GLI4: variants seen among roughly 807,000 people sequenced by gnomAD.
The protein encoded by GLI4 is GLI family zinc finger 4.
Under a neutral mutation model 30.9 loss-of-function variants are expected in GLI4, and 34 were observed. The ratio of observed to expected loss-of-function variants is 1.10; its 90% CI spans 0.84 to 1.47. GLI4 has a LOEUF of 1.47. GLI4 is among the 40% of genes most tolerant of loss of function. The probability of loss-of-function intolerance (pLI) is 0.00; values close to 1 mark genes in which losing one functional copy is unlikely to be tolerated. For missense variants in GLI4, 696 were observed against 538.9 expected (o/e 1.29, Z -2.89); for synonymous variants, 277 against 236.7 (o/e 1.17, Z -1.56).
intron 2 of GLI4, among the ~76,000 whole-genome samples, chr8:143,271,160 G>T (rs1224307875): frequency 1.3e-5 from 2 of 152,230 alleles, no homozygotes; most frequent in Admixed American, 1.3e-4. Flanking sequence ...AGCTTCTGCC[G>T]TCTCCTTGCT....
chr8:143,267,527 A>C, intron 1 of GLI4, 43 bp downstream of exon 1: 21 of 986,054 alleles, frequency 2.1e-5, no homozygotes, highest in Non-Finnish European at 2.5e-5. Flanking sequence ...GGTGCCTGGG[A>C]CCAGCCCAGT....
intron 3 of GLI4, chr8:143,275,314 C>T (rs1815359750): frequency 1.4e-6 from 2 of 1,445,278 alleles, no homozygotes; most frequent in Non-Finnish European, 1.8e-6. Context: ...CAGTGCTGAG[C>T]CCTCGCCCAC....
intron 1 of GLI4, chr8:143,267,956 C>A: frequency 1.0e-6 from 1 of 985,452 alleles, no homozygotes. Flanking sequence ...CAGGAGTGCC[C>A]TTCCCCCTTC....
intron 2 of GLI4, among the ~76,000 whole-genome samples, chr8:143,269,925 C>T (rs1452075699): frequency 3.3e-5 from 5 of 152,210 alleles, no homozygotes; most frequent in African/African-American, 7.2e-5. Flanking sequence ...TGTGATCCCC[C>T]GGGACTCGCA....
intron 2 of GLI4, among the ~76,000 whole-genome samples, chr8:143,269,873 C>G (rs13257575): frequency 6.6e-6 from 1 of 152,234 alleles, no homozygotes; most frequent in Non-Finnish European, 1.5e-5. Flanking sequence ...TGTTGTCATT[C>G]AGGAAGTGGA....
intron 2 of GLI4, among the ~76,000 whole-genome samples, chr8:143,271,809 C>T (rs1465537878): frequency 6.6e-6 from 1 of 152,148 alleles, no homozygotes; most frequent in Non-Finnish European, 1.5e-5. Context: ...GCGGTGGTCC[C>T]TGCAGCCATG....
chr8:143,272,059 G>A (rs894074474), intron 2 of GLI4, among the ~76,000 whole-genome samples: 4 of 152,180 alleles, frequency 2.6e-5, no homozygotes, highest in Non-Finnish European at 5.9e-5. Context: ...TGCCTGGGCC[G>A]GTTCTGGAAG....
At chr8:143,270,599 G>A (rs1365964645) in intron 2 of GLI4, among the ~76,000 whole-genome samples, 5 of 152,200 alleles carry the variant, frequency 3.3e-5, no homozygotes, top group African/African-American at 1.2e-4. Flanking sequence ...TCCAGCCCAT[G>A]CCCCTGAGGG....
intron 2 of GLI4, among the ~76,000 whole-genome samples, chr8:143,272,657 A>G (rs1286925610): frequency 6.6e-6 from 1 of 152,210 alleles, no homozygotes; most frequent in Non-Finnish European, 1.5e-5. Flanking sequence ...GCCTGGGCAC[A>G]GCCAGCAGGT....
chr8:143,276,476 A>G lies in GLI4; in HGVS notation c.803A>G (p.Lys268Arg), dbSNP rs1223606505. ...ATCCACAACGGCGAGAAGCCCTACA[A>G]GTGCGGCGAGTGCGGCCAGGCCTTC... The part of the protein sequence containing the change: ...LRIHNGEKPY[K>R]CGECGQAFSQ... Residue 268 changes from lysine (K) to arginine (R), a missense_variant, in exon 4 of 4, where the codon AAG becomes AGG. Physicochemically the swap from Lys to Arg is conservative, Grantham distance 26 (BLOSUM62 2). Transcript: ENST00000340042. The G allele has an allele frequency of 6.2e-7, 1 of 1,611,812 alleles. No individual in the cohort carries two copies. The highest frequency in any genetic ancestry group is 8.5e-7 in the Non-Finnish European group (1 of 1,179,600).
chr8:143,274,638 G>A (rs139877094), intron 2 of GLI4, 66 bp from the exon 3 acceptor site: 123 of 1,472,742 alleles, frequency 8.4e-5, no homozygotes, highest in African/African-American at 5.9e-4. Context: ...AGCACGTGGC[G>A]GTCAGAGAGG....
At chr8:143,268,104 TTAAC>T (rs1329972099) in intron 1 of GLI4, 13 of 985,004 alleles carry the variant, frequency 1.3e-5, no homozygotes, top group East Asian at 1.1e-4. Context: ...CCCCAGTAAG[TTAAC>T]TAAGTAACTT....
intron 2 of GLI4, among the ~76,000 whole-genome samples, chr8:143,269,745 G>A (rs1335636657): frequency 6.6e-6 from 1 of 152,232 alleles, no homozygotes; most frequent in Non-Finnish European, 1.5e-5. Flanking sequence ...CTGAGCTCTC[G>A]CTCCCTAGGG....
intron 3 of GLI4, chr8:143,275,501 C>T (rs1815363720): frequency 7.7e-7 from 1 of 1,297,594 alleles, no homozygotes; most frequent in Non-Finnish European, 9.7e-7. Flanking sequence ...TGGACCACAT[C>T]CTCGGCAAGG....
At chr8:143,274,986 C>T (rs1452235904) in intron 3 of GLI4, 184 bp downstream of exon 3, 2 of 1,494,588 alleles carry the variant, frequency 1.3e-6, no homozygotes, top group African/African-American at 1.4e-5. Flanking sequence ...AGTCCAGTTA[C>T]TGATGCTTCC....
At chr8:143,269,766 G>A (rs1192847494) in intron 2 of GLI4, among the ~76,000 whole-genome samples, 5 of 152,224 alleles carry the variant, frequency 3.3e-5, no homozygotes, top group Admixed American at 1.3e-4. Context: ...ACAGCTCCCC[G>A]CATTGTTTCT....
chr8:143,275,547 A>G, intron 3 of GLI4: 1 of 1,262,614 alleles, frequency 7.9e-7, no homozygotes, highest in Non-Finnish European at 9.9e-7. Context: ...GGCGTCCCCC[A>G]GGCTCCGGGT....
intron 2 of GLI4, among the ~76,000 whole-genome samples, chr8:143,273,776 T>G: frequency 6.6e-6 from 1 of 152,204 alleles, no homozygotes; most frequent in Admixed American, 6.5e-5. Flanking sequence ...CTCACGGGGC[T>G]AAGAGACACA....
chr8:143,275,938 T>G lies in GLI4; in HGVS notation c.265T>G (p.Ser89Ala). The stretch of plus-strand genomic sequence containing the variant: ...GGAGCAGGCTCCACGCTCTCCTGGC[T>G]CTCAGGCCCCTGACGAGGGGGCGGG... The part of the protein sequence containing the change: ...KPEQAPRSPG[S>A]QAPDEGAGGA... The change falls in exon 4 of 4, where the codon TCT becomes GCT. Residue 89 changes from serine (S) to alanine (A), a missense_variant. By Grantham distance (99) the Ser-to-Ala change is moderately conservative (BLOSUM62 1). Transcript: ENST00000340042. The G allele has an allele frequency of 7.5e-7, 1 of 1,331,096 alleles. No homozygotes were observed. Among genetic ancestry groups the G allele is most frequent in the Admixed American group, 3.9e-5 (1 of 25,416 alleles). 82.5% of individuals were successfully genotyped at this position (1,331,096 alleles called of 1,614,324 possible).
Sources: gnomAD v4.1 joint callset for allele counts (sites outside exome capture counted in the v4.1 genomes callset) on GRCh38, gnomAD v4.1.1 for gene constraint, MANE v1.5 for transcripts, NCBI Gene and HGNC (gene_info 2026-07-23, HGNC 2026-07-21) for gene names.